The following GRIP1 variants were observed in gnomAD, a reference collection of about 807,000 sequenced individuals.
GRIP1 encodes the protein glutamate receptor-interacting protein 1.
In GRIP1, 45 loss-of-function variants were observed where a neutral mutation model predicts 129.9. The observed-to-expected ratio is 0.35, with a 90% CI of 0.27 to 0.44. The LOEUF is 0.44. Among genes scored for constraint, GRIP1 ranks in the 20% least tolerant of loss-of-function variants. The pLI is 1.00. For missense variants in GRIP1, 1,196 were observed against 1,396.8 expected (o/e 0.86, Z 2.29); for synonymous variants, 530 against 520.8 (o/e 1.02, Z -0.24).
intron 1 of GRIP1, among the ~76,000 whole-genome samples, chr12:66,748,833 G>C (rs780671817): frequency 1.3e-5 from 2 of 152,056 alleles, no homozygotes; most frequent in Non-Finnish European, 2.9e-5. Flanking sequence ...TAAACCAATT[G>C]TTTAAATAAC....
At chr12:66,446,371 G>T (rs2058629860) in intron 11 of GRIP1, among the ~76,000 whole-genome samples, 1 of 151,902 alleles carries the variant, frequency 6.6e-6, no homozygotes, top group Non-Finnish European at 1.5e-5. Context: ...CTGCCTGCAG[G>T]TCCTATGCTG....
intron 1 of GRIP1, among the ~76,000 whole-genome samples, chr12:66,821,149 T>G (rs2039309990): frequency 6.6e-6 from 1 of 152,190 alleles, no homozygotes; most frequent in Non-Finnish European, 1.5e-5. Context: ...ATCAATTTTG[T>G]TATGAACCAA....
intron 1 of GRIP1, among the ~76,000 whole-genome samples, chr12:66,845,186 G>T (rs1173811568): frequency 1.3e-5 from 2 of 152,180 alleles, no homozygotes; most frequent in Admixed American, 6.5e-5. Flanking sequence ...TCTGGGCATG[G>T]TGACTCACAA....
intron 1 of GRIP1, among the ~76,000 whole-genome samples, chr12:66,789,338 G>T (rs1211533431): frequency 6.6e-6 from 1 of 152,120 alleles, no homozygotes; most frequent in Admixed American, 6.6e-5. Flanking sequence ...GAATCAGGAG[G>T]AATGCCAGTA....
intron 23 of GRIP1, among the ~76,000 whole-genome samples, chr12:66,360,577 A>G (rs2054709055): frequency 6.6e-6 from 1 of 152,200 alleles, no homozygotes; most frequent in South Asian, 2.1e-4. Flanking sequence ...AATTTTAACT[A>G]TTTGTCAGCA....
intron 2 of GRIP1, among the ~76,000 whole-genome samples, chr12:66,591,543 C>T (rs1367223378): frequency 6.6e-6 from 1 of 152,240 alleles, no homozygotes; most frequent in East Asian, 1.9e-4. Flanking sequence ...GGGCAGCAAC[C>T]GTGTACTTTG....
At chr12:66,659,809 G>A (rs1452362564) in intron 1 of GRIP1, among the ~76,000 whole-genome samples, 1 of 152,098 alleles carries the variant, frequency 6.6e-6, no homozygotes, top group Non-Finnish European at 1.5e-5. Flanking sequence ...TTGGTGACTT[G>A]TTGCCATGCA....
At chr12:66,439,570 G>C in intron 13 of GRIP1, among the ~76,000 whole-genome samples, 1 of 152,040 alleles carries the variant, frequency 6.6e-6, no homozygotes. Context: ...CAGACTGCCT[G>C]GGTTAAAATT....
At chr12:66,564,333 G>C (rs1353260340) in intron 2 of GRIP1, among the ~76,000 whole-genome samples, 1 of 137,986 alleles carries the variant, frequency 7.2e-6, no homozygotes, top group African/African-American at 2.8e-5. Flanking sequence ...GTGTCCCAGT[G>C]TTCTCATTGT....
chr12:66,995,724 A>T (rs1207165956), intron 1 of GRIP1, among the ~76,000 whole-genome samples: 1 of 152,192 alleles, frequency 6.6e-6, no homozygotes, highest in Non-Finnish European at 1.5e-5. Flanking sequence ...ATTGCTTGGT[A>T]AGAAGATAAA....
At chr12:67,011,044 A>G (rs529433918) in intron 1 of GRIP1, among the ~76,000 whole-genome samples, 1 of 152,224 alleles carries the variant, frequency 6.6e-6, no homozygotes, top group Non-Finnish European at 1.5e-5. Flanking sequence ...TTTAAATTAT[A>G]CCTACTACCC....
At chr12:66,523,051 G>A in intron 5 of GRIP1, among the ~76,000 whole-genome samples, 1 of 152,052 alleles carries the variant, frequency 6.6e-6, no homozygotes, top group Non-Finnish European at 1.5e-5. Context: ...ATCTACGTCT[G>A]ACTGGTGTAC....
chr12:66,527,724 A>AT (rs1279369966), intron 5 of GRIP1, among the ~76,000 whole-genome samples: 1 of 152,148 alleles, frequency 6.6e-6, no homozygotes, highest in Non-Finnish European at 1.5e-5. Flanking sequence ...CAAATACTGC[A>AT]TGTTCTCACT....
intron 1 of GRIP1, among the ~76,000 whole-genome samples, chr12:66,998,372 T>G (rs2042500978): frequency 6.6e-6 from 1 of 152,154 alleles, no homozygotes; most frequent in African/African-American, 2.4e-5. Flanking sequence ...AAAATACTTT[T>G]CAGTTATGTA....
intron 1 of GRIP1, among the ~76,000 whole-genome samples, chr12:66,668,789 A>AT (rs1329173662): frequency 3.3e-5 from 5 of 151,760 alleles, no homozygotes; most frequent in African/African-American, 1.2e-4. Context: ...AAAAATAATA[A>AT]TAATACCAGC....
chr12:66,584,431 G>A (rs1251286456), intron 2 of GRIP1, among the ~76,000 whole-genome samples: 2 of 152,120 alleles, frequency 1.3e-5, no homozygotes, highest in Non-Finnish European at 2.9e-5. Context: ...AAATTAGCCA[G>A]GCGTGGTGGC....
At chr12:66,618,668 A>G (rs1273387172) in intron 1 of GRIP1, among the ~76,000 whole-genome samples, 1 of 152,178 alleles carries the variant, frequency 6.6e-6, no homozygotes, top group Non-Finnish European at 1.5e-5. Context: ...GTAAATATAA[A>G]AAGATTAACA....
chr12:66,383,497 C>A (rs2056215427), intron 19 of GRIP1, among the ~76,000 whole-genome samples: 1 of 152,128 alleles, frequency 6.6e-6, no homozygotes, highest in South Asian at 2.1e-4. Flanking sequence ...ACTTATTCCT[C>A]CCCATAGGAG....
intron 1 of GRIP1, among the ~76,000 whole-genome samples, chr12:66,628,732 G>A (rs2030394387): frequency 6.6e-6 from 1 of 152,238 alleles, no homozygotes. Flanking sequence ...GGAAGAGGTT[G>A]CTGTTGGCAC....
Sources: allele counts gnomAD v4.1 joint callset (sites outside exome capture counted in the v4.1 genomes callset), GRCh38; gene constraint gnomAD v4.1.1; transcripts MANE v1.5; gene names NCBI Gene and HGNC (gene_info 2026-07-23, HGNC 2026-07-21).